ZBBX: variants seen among roughly 807,000 people sequenced by gnomAD.
ZBBX encodes the protein zinc finger B-box domain-containing protein 1.
ZBBX carries 101 observed loss-of-function variants against 108.5 expected under a neutral mutation model. The observed-to-expected ratio is 0.93, with a 90% CI of 0.79 to 1.10. The LOEUF is 1.10. ZBBX is among the 50% of genes least tolerant of loss of function. ZBBX has a pLI of 0.00. For synonymous variants in ZBBX, 356 were observed against 323.4 expected (o/e 1.10, Z -1.08); for missense variants, 1,009 against 941.4 (o/e 1.07, Z -0.94).
chr3:167,370,008 G>A (rs1171985964), intron 4 of ZBBX, among the ~76,000 whole-genome samples: 2 of 152,166 alleles, frequency 1.3e-5, no homozygotes, highest in African/African-American at 2.4e-5. Flanking sequence ...AGCCTTGTAA[G>A]CCATGATGAG....
At chr3:167,280,565 C>T (rs1728612865) in intron 20 of ZBBX, among the ~76,000 whole-genome samples, 2 of 150,336 alleles carry the variant, frequency 1.3e-5, no homozygotes, top group East Asian at 2.0e-4. Context: ...TACCATCTCA[C>T]ACCAGTTAGA....
chr3:167,223,128 C>A, the ZBBX span, among the ~76,000 whole-genome samples: 1 of 151,844 alleles, frequency 6.6e-6, no homozygotes, highest in Non-Finnish European at 1.5e-5. Flanking sequence ...ATCTTCCTGA[C>A]CTGTCAGTCA....
chr3:167,303,265 T>G (rs1733032001), intron 17 of ZBBX, among the ~76,000 whole-genome samples: 1 of 152,220 alleles, frequency 6.6e-6, no homozygotes, highest in South Asian at 2.1e-4. Context: ...GTATTTAACA[T>G]GTATAACTAA....
intron 20 of ZBBX, among the ~76,000 whole-genome samples, chr3:167,248,064 T>C (rs1274596003): frequency 6.6e-6 from 1 of 152,182 alleles, no homozygotes; most frequent in African/African-American, 2.4e-5. Context: ...CCATCAAAGG[T>C]GCAAATCAGA....
chr3:167,333,075 C>T (rs1738932044), intron 10 of ZBBX, among the ~76,000 whole-genome samples: 1 of 151,994 alleles, frequency 6.6e-6, no homozygotes. Flanking sequence ...AGCACACTCC[C>T]TCTGCTGAAA....
rs1431410006 is a variant in ZBBX at position 167,265,277 on chromosome 3, C to A, written c.2254+16961G>T. ...CTGGAGATTATTCAGGGTCTGAGGG[C>A]TCTTCAGTTAGCAGGTGATGAATCC... On this transcript the variant is annotated intron_variant, in intron 20 of 21. Transcript: ENST00000675490. 5.3e-5 allele frequency among the ~76,000 whole-genome samples: 8 copies of A among 152,180 alleles called. No individual in the cohort carries two copies. The South Asian group carries it at 1.7e-3, about 32-fold the overall frequency.
At chr3:167,200,328 A>C in the ZBBX span, among the ~76,000 whole-genome samples, 2 of 152,166 alleles carry the variant, frequency 1.3e-5, no homozygotes, top group Non-Finnish European at 2.9e-5. Flanking sequence ...ACATAATTAC[A>C]CTAAATATTT....
chr3:167,220,127 T>C, the ZBBX span, among the ~76,000 whole-genome samples: 8 of 151,854 alleles, frequency 5.3e-5, no homozygotes, highest in Admixed American at 1.3e-4. Context: ...CAGGACACAA[T>C]AGCTTCACTG....
chr3:167,319,860 T>C (rs920867318), intron 12 of ZBBX, among the ~76,000 whole-genome samples: 1 of 151,960 alleles, frequency 6.6e-6, no homozygotes, highest in African/African-American at 2.4e-5. Context: ...TGAAAGAAAT[T>C]TGTCAAATAA....
the ZBBX span, among the ~76,000 whole-genome samples, chr3:167,183,112 G>C: frequency 3.1e-4 from 47 of 152,230 alleles, 1 homozygote; most frequent in African/African-American, 1.1e-3. Flanking sequence ...AGTGCAGAAG[G>C]GTAGGGACAA....
the ZBBX span, among the ~76,000 whole-genome samples, chr3:167,233,586 C>G: frequency 6.6e-6 from 1 of 151,756 alleles, no homozygotes; most frequent in African/African-American, 2.4e-5. Flanking sequence ...GAGGCCAGCT[C>G]TTCCATGGTT....
At chr3:167,211,611 G>A in the ZBBX span, among the ~76,000 whole-genome samples, 21 of 152,294 alleles carry the variant, frequency 1.4e-4, no homozygotes, top group East Asian at 3.7e-3. Flanking sequence ...CATCTTTGCT[G>A]TTTGGGTACC....
At chr3:167,392,557 T>G (rs1338599338) in intron 1 of ZBBX, among the ~76,000 whole-genome samples, 2 of 151,834 alleles carry the variant, frequency 1.3e-5, no homozygotes, top group Non-Finnish European at 2.9e-5. Flanking sequence ...TGCTCCACTT[T>G]TTTAATAAGC....
chr3:167,331,593 G>C, intron 10 of ZBBX: 1 of 985,376 alleles, frequency 1.0e-6, no homozygotes, highest in Non-Finnish European at 1.2e-6. Context: ...TGGCAGGGTA[G>C]AAAAAGCTGG....
At chr3:167,389,722 A>G (rs1274827311) in intron 1 of ZBBX, among the ~76,000 whole-genome samples, 3 of 152,150 alleles carry the variant, frequency 2.0e-5, no homozygotes, top group Non-Finnish European at 2.9e-5. Flanking sequence ...CATTTCTCTA[A>G]TGACTAGTGA....
At position 167,363,208 on chromosome 3, in the gene ZBBX, A is replaced by G. The variant is rs190584767; in HGVS notation, c.274-2485T>C. On this transcript the variant is annotated intron_variant, in intron 6 of 21. Transcript: ENST00000675490. ...AAATAATACTATAGAGCCTCCTACAAATCCATGCTGATCAGCCTCAATGGG... is the reference window on the plus strand; with the variant it reads ...AAATAATACTATAGAGCCTCCTACAGATCCATGCTGATCAGCCTCAATGGG... Among the ~76,000 whole-genome samples, 490 of 151,952 alleles carry G rather than the reference A, an allele frequency of 3.2e-3. 2 individuals are homozygous for G. Among genetic ancestry groups the G allele is most frequent in the African/African-American group, 0.011 (469 of 41,454 alleles).
intron 20 of ZBBX, among the ~76,000 whole-genome samples, chr3:167,262,209 G>C (rs889301647): frequency 2.1e-4 from 32 of 152,240 alleles, no homozygotes; most frequent in African/African-American, 7.0e-4. Context: ...TGTGGGTCGG[G>C]GGGGGCGTCT....
chr3:167,310,349 C>A (rs1356878772), intron 16 of ZBBX, among the ~76,000 whole-genome samples: 2 of 152,164 alleles, frequency 1.3e-5, no homozygotes, highest in African/African-American at 4.8e-5. Context: ...CTGCCTGTTA[C>A]CGAGTTCTAA....
the ZBBX span, among the ~76,000 whole-genome samples, chr3:167,234,230 T>A: frequency 6.6e-6 from 1 of 151,886 alleles, no homozygotes; most frequent in African/African-American, 2.4e-5. Context: ...AAATGTATTA[T>A]TTTATATTTG....
Sources: allele counts gnomAD v4.1 joint callset (sites outside exome capture counted in the v4.1 genomes callset), GRCh38; gene constraint gnomAD v4.1.1; transcripts MANE v1.5; gene names NCBI Gene and HGNC (gene_info 2026-07-23, HGNC 2026-07-21).